COL1A2: variants seen among roughly 807,000 people sequenced by gnomAD.
COL1A2 encodes the protein collagen type I alpha 2 chain, also known as collagen alpha-2(I) chain.
A neutral mutation model predicts 174.3 loss-of-function variants in COL1A2; 49 were observed. The observed-to-expected ratio is 0.28, with a 90% CI of 0.22 to 0.36. The LOEUF is 0.36. Among genes scored for constraint, COL1A2 ranks in the 10% least tolerant of loss-of-function variants. The pLI, the probability that COL1A2 is intolerant of heterozygous loss-of-function variation, is 1.00. For missense variants in COL1A2, 1,438 were observed against 1,822.7 expected (o/e 0.79, Z 3.84); for synonymous variants, 655 against 606.6 (o/e 1.08, Z -1.17).
Position 94,430,409 on chromosome 7 carries a change from A to G in COL1A2, c.*16A>G. Reference sequence around the variant, plus strand: ...TTTCAAATAAATGAACTCAATCTAAATTAAAAAAGAAAGAAATTTGAAAAA... The same window carrying G: ...TTTCAAATAAATGAACTCAATCTAAGTTAAAAAAGAAAGAAATTTGAAAAA... On this transcript the variant is annotated 3_prime_UTR_variant, in exon 52 of 52. Transcript: ENST00000297268. 2 of 1,610,414 alleles carry G rather than the reference A, an allele frequency of 1.2e-6. No individual in the cohort carries two copies. Among genetic ancestry groups the G allele is most frequent in the Non-Finnish European group, 1.7e-6 (2 of 1,179,024 alleles).
chr7:94,426,925 T>C, intron 46 of COL1A2, 83 bp from the exon 47 acceptor site: 1 of 1,218,972 alleles, frequency 8.2e-7, no homozygotes, highest in South Asian at 1.3e-5. Context: ...AACTAAAGTT[T>C]CCCATTCAAT....
rs535425263 is a variant in COL1A2, at chr7:94,413,704, T to C, written c.1572T>C (p.Pro524=). The C allele has an allele frequency of 1.2e-6, 2 of 1,614,230 alleles. No individual in the cohort carries two copies. Among genetic ancestry groups the C allele is most frequent in the Non-Finnish European group, 8.5e-7 (1 of 1,180,042 alleles). The change falls in exon 27 of 52, where the codon CCT becomes CCC. Residue 524 remains proline (P), a synonymous_variant. Coordinates refer to ENST00000297268, the MANE Select transcript of COL1A2 (RefSeq NM_000089.4). ...AATATTTTTAGGGTGCTCCAGGTCC[T>C]GATGGAAACAATGGTGCTCAGGGAC... ...GLAGARGAPG[P]DGNNGAQGPP...
At chr7:94,424,800 C>T (rs199557143) in intron 41 of COL1A2, 30 of 466,520 alleles carry the variant, frequency 6.4e-5, no homozygotes, top group East Asian at 3.0e-4. Context: ...AAACCTTATA[C>T]GTGACAACAA....
intron 6 of COL1A2, among the ~76,000 whole-genome samples, chr7:94,403,919 G>T (rs1191128835): frequency 6.6e-6 from 1 of 152,044 alleles, no homozygotes; most frequent in Non-Finnish European, 1.5e-5. Flanking sequence ...CCATCATTTG[G>T]GCCATATTTT....
intron 31 of COL1A2, chr7:94,416,744 G>T (rs1179678275): frequency 9.4e-6 from 5 of 530,042 alleles, no homozygotes; most frequent in South Asian, 7.2e-5. Flanking sequence ...AATTAGTATG[G>T]GTTGTCACTC....
chr7:94,397,533 A>G (rs1048718574), intron 1 of COL1A2, among the ~76,000 whole-genome samples: 3 of 152,080 alleles, frequency 2.0e-5, no homozygotes, highest in Admixed American at 6.5e-5. Context: ...ATACATTTAC[A>G]TATTAATATT....
At position 94,412,661 on chromosome 7, in the gene COL1A2, C is replaced by A. The variant is rs752064850; in HGVS notation, c.1482C>A (p.Phe494Leu). The change falls in exon 25 of 52, where the codon TTC becomes TTA. Residue 494 changes from phenylalanine to leucine, a missense_variant. Around this residue, in one of 3 missense-constraint regions of COL1A2, gnomAD observed 867 missense variants for 1,213.7 expected, o/e 0.71. Transcript: ENST00000297268. Reference protein sequence around the residue: ...GARGEPGNIGFPGPKGPTGDP... With the variant: ...GARGEPGNIGLPGPKGPTGDP... Reference sequence around the variant, plus strand: ...GAGGAGAGCCTGGCAACATTGGATTCCCTGGACCCAAAGGCCCCACTGTAA... The same window carrying A: ...GAGGAGAGCCTGGCAACATTGGATTACCTGGACCCAAAGGCCCCACTGTAA... The A allele has an allele frequency of 2.5e-6, 4 of 1,614,084 alleles. No homozygotes were observed. Among genetic ancestry groups the A allele is most frequent in the Admixed American group, 3.3e-5 (2 of 60,016 alleles).
intron 23 of COL1A2, 140 bp downstream of exon 23, chr7:94,411,294 T>C (rs1219689376): frequency 1.4e-6 from 1 of 734,156 alleles, no homozygotes; most frequent in East Asian, 2.7e-5. Context: ...TTTTTGACTT[T>C]ATCAAAGCTC....
intron 30 of COL1A2, among the ~76,000 whole-genome samples, chr7:94,415,806 TACA>T (rs1315611950): frequency 1.3e-5 from 2 of 152,178 alleles, no homozygotes; most frequent in Non-Finnish European, 2.9e-5. Context: ...TTGAAACAGT[TACA>T]ACGTGGACCT....
At chr7:94,408,071 A>G in intron 13 of COL1A2, 112 bp from the exon 14 acceptor site, 3 of 1,289,816 alleles carry the variant, frequency 2.3e-6, no homozygotes, top group Non-Finnish European at 3.3e-6. Flanking sequence ...AAGGCAACTT[A>G]TTTATTTTTA....
chr7:94,404,176 G>A (rs1236241615), intron 6 of COL1A2, among the ~76,000 whole-genome samples: 2 of 152,174 alleles, frequency 1.3e-5, no homozygotes, highest in African/African-American at 2.4e-5. Context: ...ATAGGAAGAT[G>A]ACATATGATC....
Position 94,404,826 on chromosome 7 carries a change from C to A in COL1A2, c.379-13C>A, listed in dbSNP as rs1342107999. On this transcript the variant is annotated splice_polypyrimidine_tract_variant and intron_variant, in intron 8 of 51. Coordinates refer to ENST00000297268, the MANE Select transcript of COL1A2 (RefSeq NM_000089.4). ...ATAACCTTAGTGAAATGATGGGTCT[C>A]CCATTTTCTTAGGGTCCTGCAGGTG... The A allele has an allele frequency of 1.9e-6, 3 of 1,614,110 alleles. No individual in the cohort carries two copies. Among genetic ancestry groups the A allele is most frequent in the Non-Finnish European group, 2.5e-6 (3 of 1,180,000 alleles).
chr7:94,417,952 T>C (rs1792076527), intron 32 of COL1A2, 121 bp downstream of exon 32: 6 of 804,206 alleles, frequency 7.5e-6, no homozygotes, highest in Non-Finnish European at 1.1e-5. Context: ...TCTATCTATA[T>C]ACATTTCCCT....
intron 22 of COL1A2, 21 bp from the exon 23 acceptor site, chr7:94,411,035 T>A (rs749314718): frequency 1.1e-6 from 1 of 898,920 alleles, no homozygotes; most frequent in South Asian, 1.5e-5. Flanking sequence ...CTCTATCTGT[T>A]TTTTTTTTTT....
intron 27 of COL1A2, 22 bp downstream of exon 27, chr7:94,413,765 G>A: frequency 6.2e-7 from 1 of 1,613,936 alleles, no homozygotes. Context: ...TCCCACTCTT[G>A]TGCTCTTCTG....
At chr7:94,424,266 A>C in intron 40 of COL1A2, 70 bp from the exon 41 acceptor site, 1 of 1,323,332 alleles carries the variant, frequency 7.6e-7, no homozygotes, top group Non-Finnish European at 1.1e-6. Context: ...TTATTCTCAC[A>C]ATCTTCAAGC....
Position 94,421,375 on chromosome 7 carries a change from T to C in COL1A2, c.2349+313T>C, listed in dbSNP as rs143085811. On this transcript the variant is annotated intron_variant, in intron 38 of 51. Coordinates refer to ENST00000297268, the MANE Select transcript of COL1A2 (RefSeq NM_000089.4). ...TTCTGCCTGACCATGTCCTTCTCCT[T>C]TGCAGGCAATGCTATCACAACAATT... 3.1e-3 allele frequency: 1,394 copies of C among 448,268 alleles called. 3 individuals carry two copies. Among genetic ancestry groups the C allele is most frequent in the South Asian group, 4.9e-3 (217 of 44,280 alleles). 27.8% of individuals were successfully genotyped at this position (448,268 alleles called of 1,614,324 possible). A position where few individuals can be genotyped will look rare whatever the true frequency, so the allele number is the denominator to read the frequency against.
rs1015599975 is a variant in COL1A2, at chr7:94,395,120, T to C, written c.70+19T>C. 6.8e-6 allele frequency: 11 copies of C among 1,610,616 alleles called. No individual in the cohort carries two copies. The African/African-American group carries it at 1.3e-4, about 20-fold the overall frequency. On this transcript the variant is annotated intron_variant, in intron 1 of 51. Transcript: ENST00000297268. ...TGCCAATGTAAGTGCCTTCAGCTTG[T>C]TTGGGGGAGACTGGGTAGAGAGGTT...
Position 94,427,440 on chromosome 7 carries a change from C to T in COL1A2, c.3267+145C>T, listed in dbSNP as rs560078889. On this transcript the variant is annotated intron_variant, in intron 48 of 51. Transcript: ENST00000297268. ...AAAATATCTGGAAATTGTCTATATG[C>T]AATGGGCTTGTTAAGTCCATCCCTG... 15 of 1,039,388 alleles carry T rather than the reference C, an allele frequency of 1.4e-5. No individual in the cohort carries two copies. In the African/African-American group the frequency reaches 1.9e-4, roughly 13 times the overall value. 64.4% of individuals were successfully genotyped at this position (1,039,388 alleles called of 1,614,324 possible).
Sources: gnomAD v4.1 joint callset for allele counts (sites outside exome capture counted in the v4.1 genomes callset) on GRCh38, gnomAD v4.1.1 for gene constraint, gnomAD v4.1.1 regional missense constraint, MANE v1.5 for transcripts, NCBI Gene and HGNC (gene_info 2026-07-23, HGNC 2026-07-21) for gene names.